KLHL22: variants seen among roughly 807,000 people sequenced by gnomAD.
The protein encoded by KLHL22 is kelch like family member 22.
Under a neutral mutation model 60.7 loss-of-function variants are expected in KLHL22, and 18 were observed. The ratio of observed to expected loss-of-function variants is 0.30; its 90% confidence interval spans 0.20 to 0.44. The LOEUF (loss-of-function observed/expected upper bound fraction) is 0.44, where lower values mean the gene tolerates loss of function less well. Among genes scored for constraint, KLHL22 ranks in the 20% least tolerant of loss-of-function variants. The pLI, the probability that KLHL22 is intolerant of heterozygous loss-of-function variation, is 1.00. For synonymous variants in KLHL22, 355 were observed against 354.5 expected (o/e 1.00, Z -0.01); for missense variants, 596 against 852.3 (o/e 0.70, Z 3.74).
chr22:20,456,308 C>G lies in KLHL22; in HGVS notation c.1305+1500G>C, dbSNP rs535353022. The stretch of plus-strand genomic sequence containing the variant: ...AAACACCATGGAGTGGGGAGTCTTT[C>G]TCATTTCTTGTCACCACTGGATTCC... On this transcript the variant is annotated intron_variant, in intron 5 of 6. Transcript: ENST00000328879. 3.9e-5 allele frequency: 6 copies of G among 152,354 alleles called. No homozygotes were observed. In the South Asian group the frequency reaches 1.2e-3, roughly 32 times the overall value. 9.4% of individuals were successfully genotyped at this position (152,354 alleles called of 1,614,324 possible). A position where few individuals can be genotyped will look rare whatever the true frequency, so the allele number is the denominator to read the frequency against.
At chr22:20,486,388 C>T (rs2053587502) in intron 2 of KLHL22, among the ~76,000 whole-genome samples, 1 of 152,016 alleles carries the variant, frequency 6.6e-6, no homozygotes, top group African/African-American at 2.4e-5. Context: ...TTGCAAGTAG[C>T]TCCATTGGAT....
At chr22:20,454,520 T>C (rs940473944) in intron 5 of KLHL22, among the ~76,000 whole-genome samples, 2 of 152,126 alleles carry the variant, frequency 1.3e-5, no homozygotes, top group African/African-American at 2.4e-5. Context: ...AAGCTTTCTT[T>C]GTAAAGCTAT....
In KLHL22 at chr22:20,491,775, G is replaced by A. The variant is rs1167334920; in HGVS notation, c.-33-2531C>T. On this transcript the variant is annotated intron_variant, in intron 1 of 6. Coordinates refer to ENST00000328879, the MANE Select transcript of KLHL22 (RefSeq NM_032775.4). ...AGAAGAGGTCTCTCTCTTCACTACTGAGGCTCAGGGCCACCCCCAACCCCA... is the reference window on the plus strand; with the variant it reads ...AGAAGAGGTCTCTCTCTTCACTACTAAGGCTCAGGGCCACCCCCAACCCCA... 3 of 152,198 alleles carry A rather than the reference G, an allele frequency of 2.0e-5. No homozygotes were observed. The East Asian group carries it at 5.8e-4, about 29-fold the overall frequency. The allele number at this position is 152,198 out of a possible 1,614,324, so 9.4% of individuals were successfully genotyped here. A position where few individuals can be genotyped will look rare whatever the true frequency, so the allele number is the denominator to read the frequency against.
At chr22:20,466,329 G>A (rs189280202) in intron 3 of KLHL22, among the ~76,000 whole-genome samples, 230 of 143,006 alleles carry the variant, frequency 1.6e-3, no homozygotes, top group Middle Eastern at 7.6e-3. Context: ...AGCCGAGATC[G>A]CGCCATTGCA....
chr22:20,486,273 C>A (rs992025419), intron 2 of KLHL22, among the ~76,000 whole-genome samples: 3 of 152,070 alleles, frequency 2.0e-5, no homozygotes, highest in African/African-American at 7.2e-5. Context: ...TTGCTGAGTC[C>A]CCACGGTGCA....
intron 5 of KLHL22, among the ~76,000 whole-genome samples, chr22:20,454,027 G>A (rs562292272): frequency 2.3e-4 from 35 of 152,258 alleles, no homozygotes; most frequent in African/African-American, 7.5e-4. Flanking sequence ...GAGCCACTGC[G>A]ACCAGCAATA....
intron 4 of KLHL22, among the ~76,000 whole-genome samples, chr22:20,462,333 C>T (rs12165662): frequency 1.3e-5 from 2 of 150,944 alleles, no homozygotes; most frequent in African/African-American, 4.9e-5. Flanking sequence ...CATGAAATGC[C>T]GAAGGAAAAA....
At chr22:20,483,843 T>C (rs796806107) in intron 2 of KLHL22, 8 of 732,264 alleles carry the variant, frequency 1.1e-5, no homozygotes, top group African/African-American at 8.7e-5. Flanking sequence ...CAGGCGGTCA[T>C]TCAGGCTTTG....
At chr22:20,459,126 C>G (rs1422451585) in intron 4 of KLHL22, among the ~76,000 whole-genome samples, 1 of 152,188 alleles carries the variant, frequency 6.6e-6, no homozygotes, top group African/African-American at 2.4e-5. Flanking sequence ...GTGTCCTTGC[C>G]CAACAGCCCA....
At chr22:20,458,641 C>T (rs951099605) in intron 4 of KLHL22, among the ~76,000 whole-genome samples, 2 of 151,840 alleles carry the variant, frequency 1.3e-5, no homozygotes, top group Non-Finnish European at 2.9e-5. Context: ...GGATGGGTGC[C>T]ATCAGCCCCC....
chr22:20,458,956 C>T (rs2053111117), intron 4 of KLHL22, among the ~76,000 whole-genome samples: 1 of 152,122 alleles, frequency 6.6e-6, no homozygotes, highest in Non-Finnish European at 1.5e-5. Context: ...AGGCACTAGA[C>T]TGGTTGCGGC....
At chr22:20,470,048 T>G (rs2053289382) in intron 3 of KLHL22, among the ~76,000 whole-genome samples, 2 of 151,928 alleles carry the variant, frequency 1.3e-5, no homozygotes, top group African/African-American at 4.8e-5. Flanking sequence ...TACTTAAAGT[T>G]CAATAACAGG....
intron 4 of KLHL22, among the ~76,000 whole-genome samples, chr22:20,462,713 T>C (rs961971916): frequency 6.6e-6 from 1 of 152,094 alleles, no homozygotes; most frequent in Non-Finnish European, 1.5e-5. Context: ...CAGCTACTAC[T>C]AGGTATACCA....
chr22:20,445,710 T>G (rs540310956), intron 6 of KLHL22, among the ~76,000 whole-genome samples: 1 of 152,226 alleles, frequency 6.6e-6, no homozygotes, highest in African/African-American at 2.4e-5. Context: ...GCCTCCTGAG[T>G]AGCTGGGACT....
chr22:20,451,740 C>T, intron 5 of KLHL22: 1 of 1,565,972 alleles, frequency 6.4e-7, no homozygotes, highest in Non-Finnish European at 8.8e-7. Context: ...AATGTTACAA[C>T]CCTATCATCA....
chr22:20,484,731 C>CTT (rs10712145), intron 2 of KLHL22, among the ~76,000 whole-genome samples: 4 of 137,860 alleles, frequency 2.9e-5, no homozygotes, highest in East Asian at 2.1e-4. Flanking sequence ...TGTGCTCAGC[C>CTT]TTTTTTTTTT....
intron 4 of KLHL22, among the ~76,000 whole-genome samples, chr22:20,464,327 G>A (rs548965102): frequency 1.5e-4 from 23 of 152,316 alleles, no homozygotes; most frequent in Middle Eastern, 6.8e-3. Context: ...CCTTTACCAC[G>A]CCCCTGGGCT....
At chr22:20,479,322 T>C (rs542225974) in intron 2 of KLHL22, among the ~76,000 whole-genome samples, 1 of 152,210 alleles carries the variant, frequency 6.6e-6, no homozygotes, top group African/African-American at 2.4e-5. Flanking sequence ...AATAAAGACT[T>C]AAAAGTTTTA....
Position 20,442,232 on chromosome 22 carries a change from G to A in KLHL22, c.1746C>T (p.Ser582=), listed in dbSNP as rs770282123. The part of the protein sequence containing the change: ...CWEEGPQLDN[S]ISGLAACVLT... ...GCACACAGGCCGCCAGGCCTGAGAT[G>A]GAGTTGTCCAGCTGGGGCCCTTCCT... is the stretch of plus-strand genomic sequence containing the variant. The change falls in exon 7 of 7, where the codon TCC becomes TCT. Residue 582 remains serine, a synonymous_variant. Coordinates refer to ENST00000328879, the MANE Select transcript of KLHL22 (RefSeq NM_032775.4). 6.2e-7 allele frequency: 1 copy of A among 1,609,558 alleles called. No individual in the cohort carries two copies. Among genetic ancestry groups the A allele is most frequent in the South Asian group, 1.1e-5 (1 of 90,548 alleles).
Sources: gnomAD v4.1 joint callset for allele counts (sites outside exome capture counted in the v4.1 genomes callset) on GRCh38, gnomAD v4.1.1 for gene constraint, MANE v1.5 for transcripts, NCBI Gene and HGNC (gene_info 2026-07-23, HGNC 2026-07-21) for gene names.